The following OARD1 variants were observed in gnomAD, a reference collection of about 807,000 sequenced individuals.
OARD1 encodes O-acyl-ADP-ribose deacylase 1.
A neutral mutation model predicts 19.7 loss-of-function variants in OARD1; 19 were observed. The observed-to-expected ratio is 0.96, with a 90% CI of 0.67 to 1.41. The LOEUF (loss-of-function observed/expected upper bound fraction) is 1.41. OARD1 is among the 40% of genes most tolerant of loss of function. OARD1 has a pLI of 0.00. For synonymous variants in OARD1, 70 were observed against 61.8 expected (o/e 1.13, Z -0.62); for missense variants, 190 against 183.8 (o/e 1.03, Z -0.20).
At chr6:41,072,524 G>A (rs183443932), upstream of OARD1, 2 of 152,388 alleles carry the variant, frequency 1.3e-5, no homozygotes, top group African/African-American at 2.4e-5. Context: ...TAGCTTGCTA[G>A]CCGAGCCCAC....
intron 1 of OARD1, among the ~76,000 whole-genome samples, chr6:41,082,203 T>C (rs1396945145): frequency 6.6e-6 from 1 of 152,176 alleles, no homozygotes; most frequent in African/African-American, 2.4e-5. Context: ...CTGCCACCAA[T>C]AGTGTTTGGT....
intron 1 of OARD1, among the ~76,000 whole-genome samples, chr6:41,086,791 TGAA>T (rs1310160512): frequency 6.6e-5 from 10 of 152,230 alleles, no homozygotes; most frequent in African/African-American, 2.2e-4. Flanking sequence ...AACATATCAA[TGAA>T]GAAATGGCTG....
At chr6:41,083,618 C>G (rs886442052) in intron 1 of OARD1, among the ~76,000 whole-genome samples, 7 of 152,188 alleles carry the variant, frequency 4.6e-5, no homozygotes, top group African/African-American at 1.7e-4. Context: ...ACCTTCTTCA[C>G]TTTATTTAGA....
At chr6:41,077,447 T>C (rs1034876509), upstream of OARD1, among the ~76,000 whole-genome samples, 3 of 152,228 alleles carry the variant, frequency 2.0e-5, no homozygotes, top group Admixed American at 1.3e-4. Context: ...TTTCTGTCTC[T>C]AGATTACTGA....
At chr6:41,067,555 T>C (rs1035643452) in intron 5 of OARD1, 118 bp from the exon 6 acceptor site, 9 of 638,044 alleles carry the variant, frequency 1.4e-5, no homozygotes, top group African/African-American at 3.7e-5. Flanking sequence ...GACACCCTTA[T>C]GGGCAACCAT....
At chr6:41,091,834 CATT>C (rs1764204667) in intron 1 of OARD1, 1 of 915,658 alleles carries the variant, frequency 1.1e-6, no homozygotes, top group African/African-American at 1.7e-5. Flanking sequence ...TTGACAATAA[CATT>C]ATGACAAACC....
At chr6:41,072,908 CAG>C (rs1763548157), upstream of OARD1, 1 of 153,488 alleles carries the variant, frequency 6.5e-6, no homozygotes, top group South Asian at 1.8e-4. Flanking sequence ...GGCGTGGCCT[CAG>C]AGGCGCCTGC....
chr6:41,071,608 T>C lies in OARD1; in HGVS notation c.27A>G (p.Pro9=), dbSNP rs1763399263. The stretch of plus-strand genomic sequence containing the variant: ...AGTTGTTACGCACTCTGCTTCCTTC[T>C]GGATCTTCATTAAGGCTGCTGGCCA... MASSLNED[P]EGSRITYVKG... Residue 9 remains proline, a synonymous_variant, in exon 2 of 6, where the codon CCA becomes CCG. Transcript: ENST00000424266. The C allele has an allele frequency of 1.2e-6, 2 of 1,613,438 alleles. No homozygotes were observed. Among genetic ancestry groups the C allele is most frequent in the Non-Finnish European group, 1.7e-6 (2 of 1,179,286 alleles).
upstream of OARD1, chr6:41,075,817 G>T (rs1434964298): frequency 1.3e-5 from 2 of 151,812 alleles, no homozygotes; most frequent in East Asian, 1.9e-4. Context: ...TATCTCTTAG[G>T]ATTCCAGTAT....
At chr6:41,077,672 A>G (rs1026014931) in intron 1 of OARD1, among the ~76,000 whole-genome samples, 3 of 152,180 alleles carry the variant, frequency 2.0e-5, no homozygotes, top group Non-Finnish European at 4.4e-5. Flanking sequence ...TAGTCAACCA[A>G]TTCCAAAGAG....
At chr6:41,081,256 G>T (rs969571166) in intron 1 of OARD1, among the ~76,000 whole-genome samples, 2 of 152,112 alleles carry the variant, frequency 1.3e-5, no homozygotes, top group Non-Finnish European at 2.9e-5. Context: ...TTGGGAGGCC[G>T]AGGCAGGCGG....
Position 41,068,907 on chromosome 6 carries a change from T to C in OARD1, c.290A>G (p.Gln97Arg), listed in dbSNP as rs1763170772. The change falls in exon 5 of 6, where the codon CAG becomes CGG. Residue 97 changes from glutamine to arginine, a missense_variant. Gln to Arg is a conservative substitution (Grantham distance 43, BLOSUM62 1). Coordinates refer to ENST00000424266, the MANE Select transcript of OARD1 (RefSeq NM_001329686.2). ...AGACTTCATTGCCTCTAAACTCTTCTGTAAGTTTTCATAAGTTGGCTTGTG... is the reference window on the plus strand; with the variant it reads ...AGACTTCATTGCCTCTAAACTCTTCCGTAAGTTTTCATAAGTTGGCTTGTG... ...ASHKPTYENLQKSLEAMKSHC... is the reference protein window; with the variant it reads ...ASHKPTYENLRKSLEAMKSHC... 1.2e-6 allele frequency: 2 copies of C among 1,610,910 alleles called. No homozygotes were observed. The highest frequency in any genetic ancestry group is 1.1e-5 in the South Asian group (1 of 90,284).
At position 41,071,078 on chromosome 6, in the gene OARD1, G is replaced by A. The variant is rs755390494; in HGVS notation, c.184+54C>T. 4 of 1,563,502 alleles carry A rather than the reference G, an allele frequency of 2.6e-6. No individual in the cohort carries two copies. The South Asian group carries it at 4.4e-5, about 17-fold the overall frequency. ...ACGCATATTTTATTAAAGTGTAACA[G>A]ATTAAAAGGTGCTCTAGCCAGGGCA... On this transcript the variant is annotated intron_variant, in intron 3 of 5. Transcript: ENST00000424266.
chr6:41,090,287 A>G (rs950876042), intron 1 of OARD1: 5 of 1,613,656 alleles, frequency 3.1e-6, no homozygotes, highest in Non-Finnish European at 4.2e-6. Context: ...CAGTTAATGC[A>G]GATGGCACCA....
At chr6:41,089,668 C>T in intron 1 of OARD1, 1 of 1,612,744 alleles carries the variant, frequency 6.2e-7, no homozygotes, top group Non-Finnish European at 8.5e-7. Flanking sequence ...AGCAGATCAT[C>T]ATCCAGCAGC....
Position 41,088,362 on chromosome 6 carries a change from G to T in OARD1, c.-42+9351C>A, listed in dbSNP as rs1431334403. ...GGCATGAACCCAGGAGGCGGAGCTT[G>T]CAGTGAGCCAAGATCACACCACTGC... On this transcript the variant is annotated intron_variant, in intron 1 of 4. Coordinates refer to the OARD1 transcript ENST00000480585. Among the ~76,000 whole-genome samples the T allele has an allele frequency of 2.1e-5, 3 of 144,666 alleles. No homozygotes were observed. The Admixed American group carries it at 2.1e-4, about 10-fold the overall frequency. 94.9% of individuals were successfully genotyped at this position (144,666 alleles called of 152,430 possible).
chr6:41,091,246 T>C (rs907826941), intron 1 of OARD1, among the ~76,000 whole-genome samples: 108 of 152,246 alleles, frequency 7.1e-4, no homozygotes, highest in African/African-American at 2.5e-3. Context: ...GACTGACCTG[T>C]AGAAGAGGAG....
At position 41,084,980 on chromosome 6, in the gene OARD1, A is replaced by G. The variant is rs201308934; in HGVS notation, c.-42+12733T>C. Among the ~76,000 whole-genome samples the G allele has an allele frequency of 9.8e-5, 15 of 152,338 alleles. No individual in the cohort carries two copies. In the East Asian group the frequency reaches 2.9e-3, roughly 29 times the overall value. On this transcript the variant is annotated intron_variant, in intron 1 of 4. Transcript: ENST00000480585. The stretch of plus-strand genomic sequence containing the variant: ...TGTCTCAAAAAAAAAGAAGAGATTA[A>G]CAGAAATATGTAGAAATGTTACATA...
intron 1 of OARD1, chr6:41,090,327 C>T: frequency 1.9e-6 from 3 of 1,582,334 alleles, no homozygotes; most frequent in Non-Finnish European, 2.6e-6. Context: ...TACCCATAAG[C>T]TTCCCTAGGA....
Sources: allele counts gnomAD v4.1 joint callset (sites outside exome capture counted in the v4.1 genomes callset), GRCh38; gene constraint gnomAD v4.1.1; transcripts MANE v1.5; gene names NCBI Gene and HGNC (gene_info 2026-07-23, HGNC 2026-07-21).